Variants in OR14I1 observed in about 807,000 individuals in gnomAD.
The protein encoded by OR14I1 is olfactory receptor 14I1.
For synonymous variants in OR14I1, 118 were observed against 71.1 expected (o/e 1.66, Z -3.32); for missense variants, 279 against 181.8 (o/e 1.53, Z -3.07).
chr1:248,688,167 A>G, the OR14I1 span, among the ~76,000 whole-genome samples: 3 of 152,234 alleles, frequency 2.0e-5, no homozygotes, highest in Non-Finnish European at 4.4e-5. Context: ...TTATATCTCA[A>G]AAGCACAGAG....
At chr1:248,695,787 T>C in the OR14I1 span, among the ~76,000 whole-genome samples, 1 of 152,194 alleles carries the variant, frequency 6.6e-6, no homozygotes, top group African/African-American at 2.4e-5. Context: ...CATGGTAATA[T>C]GTCACAATAC....
upstream of OR14I1, among the ~76,000 whole-genome samples, chr1:248,684,757 C>CAT (rs376621560): frequency 0.04 from 5,797 of 145,036 alleles, 343 homozygotes; most frequent in African/African-American, 0.13. Context: ...CACACACATA[C>CAT]ATATATATAT....
the OR14I1 span, among the ~76,000 whole-genome samples, chr1:248,693,728 T>G: frequency 6.6e-6 from 1 of 150,378 alleles, no homozygotes; most frequent in Non-Finnish European, 1.5e-5. Context: ...CTATCTTATC[T>G]CCTCTAGAGC....
chr1:248,690,337 C>G, the OR14I1 span, among the ~76,000 whole-genome samples: 4 of 151,466 alleles, frequency 2.6e-5, no homozygotes, highest in African/African-American at 9.7e-5. Context: ...CCAAGCTAGG[C>G]TAATAAAGAA....
chr1:248,682,777 G>C (rs1490574433), upstream of OR14I1, among the ~76,000 whole-genome samples: 6 of 152,160 alleles, frequency 3.9e-5, 1 homozygote. Context: ...AGAGTCAACT[G>C]TCTTTAGCTA....
chr1:248,697,698 A>G, the OR14I1 span, among the ~76,000 whole-genome samples: 7 of 152,086 alleles, frequency 4.6e-5, no homozygotes, highest in African/African-American at 1.2e-4. Flanking sequence ...CAGGAGAATC[A>G]CTTGAACCCA....
exon 1 of OR14I1, chr1:248,682,105 A>G: frequency 1.3e-6 from 1 of 781,094 alleles, no homozygotes; most frequent in Non-Finnish European, 2.4e-6. Context: ...GCACAGATCC[A>G]AAACGGAGAG....
downstream of OR14I1, among the ~76,000 whole-genome samples, chr1:248,678,977 C>G (rs1487845991): frequency 6.6e-6 from 1 of 152,166 alleles, no homozygotes; most frequent in Non-Finnish European, 1.5e-5. Context: ...TTGAAGTAAT[C>G]AAGTACCTCT....
chr1:248,681,798 G>A, exon 1 of OR14I1: 1 of 781,070 alleles, frequency 1.3e-6, no homozygotes, highest in Non-Finnish European at 2.4e-6. Flanking sequence ...GGATCACACT[G>A]GATCTGCAAA....
At chr1:248,691,997 G>T in the OR14I1 span, 1 of 152,398 alleles carries the variant, frequency 6.6e-6, no homozygotes. Flanking sequence ...CCAGCATCCG[G>T]GGGCGCTGTG....
At chr1:248,690,754 C>T in the OR14I1 span, among the ~76,000 whole-genome samples, 2 of 150,688 alleles carry the variant, frequency 1.3e-5, no homozygotes, top group Non-Finnish European at 3.0e-5. Flanking sequence ...ACCCTGATAC[C>T]ATAACCTGGC....
At chr1:248,693,212 T>C in the OR14I1 span, among the ~76,000 whole-genome samples, 1 of 152,184 alleles carries the variant, frequency 6.6e-6, no homozygotes, top group Non-Finnish European at 1.5e-5. Flanking sequence ...GGTGGTGTAC[T>C]AATTCACGGC....
At chr1:248,688,159 A>G in the OR14I1 span, among the ~76,000 whole-genome samples, 1 of 152,220 alleles carries the variant, frequency 6.6e-6, no homozygotes, top group African/African-American at 2.4e-5. Flanking sequence ...TAGAAAATTT[A>G]TATCTCAAAA....
chr1:248,693,912 A>C, the OR14I1 span, among the ~76,000 whole-genome samples: 1 of 152,152 alleles, frequency 6.6e-6, no homozygotes, highest in African/African-American at 2.4e-5. Context: ...AAAAAAAAAA[A>C]AAAACCATTT....
At chr1:248,679,471 G>T (rs1661524527), downstream of OR14I1, among the ~76,000 whole-genome samples, 1 of 151,760 alleles carries the variant, frequency 6.6e-6, no homozygotes, top group Non-Finnish European at 1.5e-5. Context: ...TATACTATGT[G>T]CTTTATTATA....
upstream of OR14I1, among the ~76,000 whole-genome samples, chr1:248,684,598 C>G (rs73142501): frequency 0.067 from 10,186 of 152,194 alleles, 1,104 homozygotes; most frequent in African/African-American, 0.23. Context: ...ATGGAACACT[C>G]TCTAGAAGTT....
chr1:248,702,241 A>C, the OR14I1 span, among the ~76,000 whole-genome samples: 1 of 152,190 alleles, frequency 6.6e-6, no homozygotes, highest in Admixed American at 6.5e-5. Context: ...CCAAAGTCTT[A>C]TCTGAGGCAA....
At chr1:248,688,983 T>C in the OR14I1 span, among the ~76,000 whole-genome samples, 4 of 152,170 alleles carry the variant, frequency 2.6e-5, no homozygotes, top group South Asian at 2.1e-4. Context: ...CTTTCTCTAG[T>C]AGGTAGACAG....
chr1:248,700,076 G>T, the OR14I1 span, among the ~76,000 whole-genome samples: 2 of 152,164 alleles, frequency 1.3e-5, no homozygotes, highest in African/African-American at 4.8e-5. Context: ...TGACTACTTA[G>T]TACAGAATCA....
Sources: allele counts gnomAD v4.1 joint callset (sites outside exome capture counted in the v4.1 genomes callset), GRCh38; gene constraint gnomAD v4.1.1; transcripts MANE v1.5; gene names NCBI Gene and HGNC (gene_info 2026-07-23, HGNC 2026-07-21).